Variants in TATDN3 observed in about 807,000 individuals in gnomAD.
The protein encoded by TATDN3 is deoxyribonuclease TATDN3.
In TATDN3, 29 loss-of-function variants were observed where a neutral mutation model predicts 40.1. The ratio of observed to expected loss-of-function variants is 0.72; its 90% CI spans 0.54 to 0.99. The LOEUF (loss-of-function observed/expected upper bound fraction) is 0.99, where lower values mean the gene tolerates loss of function less well. Among genes scored for constraint, TATDN3 ranks in the 50% least tolerant of loss-of-function variants. The pLI, the probability that TATDN3 is intolerant of heterozygous loss-of-function variation, is 0.00. For synonymous variants in TATDN3, 105 were observed against 117.0 expected (o/e 0.90, Z 0.66); for missense variants, 309 against 321.9 (o/e 0.96, Z 0.31).
At chr1:212,796,419 GAACAAGGAT>G in intron 2 of TATDN3, 89 bp from the exon 3 acceptor site, 1 of 927,742 alleles carries the variant, frequency 1.1e-6, no homozygotes, top group Middle Eastern at 3.6e-4. Flanking sequence ...AAGCATGGCT[GAACAAGGAT>G]AACTAAAATG....
chr1:212,804,050 A>C (rs903284501), intron 5 of TATDN3, among the ~76,000 whole-genome samples: 16 of 152,090 alleles, frequency 1.1e-4, no homozygotes, highest in Admixed American at 7.2e-4. Flanking sequence ...AAACAAACAA[A>C]AAAAAAGGAA....
At chr1:212,798,611 G>C (rs918646676) in intron 4 of TATDN3, among the ~76,000 whole-genome samples, 4 of 150,462 alleles carry the variant, frequency 2.7e-5, no homozygotes, top group Non-Finnish European at 4.4e-5. Context: ...TAGCTATCCT[G>C]AATTGTTAAG....
At chr1:212,803,754 G>T (rs1662300216) in intron 5 of TATDN3, among the ~76,000 whole-genome samples, 1 of 149,350 alleles carries the variant, frequency 6.7e-6, no homozygotes, top group Non-Finnish European at 1.5e-5. Flanking sequence ...AAAAAAAAAA[G>T]GCTGGGCACA....
chr1:212,812,397 G>A (rs186925180), intron 9 of TATDN3, 69 bp downstream of exon 9: 5 of 884,226 alleles, frequency 5.7e-6, no homozygotes, highest in Non-Finnish European at 8.9e-6. Context: ...CAATTTAGCT[G>A]TATTTCTCAT....
At chr1:212,795,180 C>A (rs1558075126) in intron 2 of TATDN3, 53 bp downstream of exon 2, 8 of 1,368,588 alleles carry the variant, frequency 5.8e-6, no homozygotes, top group African/African-American at 1.4e-5. Flanking sequence ...ACTATCATTT[C>A]AAGCCAAAAC....
chr1:212,804,320 G>T lies in TATDN3; in HGVS notation c.322G>T (p.Val108Phe), dbSNP rs1337187521. The T allele has an allele frequency of 8.1e-6, 13 of 1,611,890 alleles. No individual in the cohort carries two copies. The highest frequency in any genetic ancestry group is 1.1e-5 in the Non-Finnish European group (13 of 1,178,188). The part of the protein sequence containing the change: ...YKDRLLAIGE[V>F]GLDFSPRFAG... ...AATATCTTTTATTTTTCTGCTCTAG[G>T]TTGGACTAGATTTCTCCCCCAGATT... Residue 108 changes from valine (V) to phenylalanine (F), a missense_variant and splice_region_variant, in exon 6 of 10, where the codon GTT (valine) becomes TTT (phenylalanine). Transcript: ENST00000366974.
At chr1:212,792,921 G>A (rs1661451051) in intron 1 of TATDN3, 1 of 152,232 alleles carries the variant, frequency 6.6e-6, no homozygotes, top group Non-Finnish European at 1.5e-5. Flanking sequence ...ATTTCAGGGG[G>A]AAATCCTCCC....
chr1:212,815,204 T>C lies in TATDN3; in HGVS notation c.*48T>C. 1.3e-6 allele frequency: 2 copies of C among 1,560,956 alleles called. No homozygotes were observed. Among genetic ancestry groups the C allele is most frequent in the Non-Finnish European group, 1.7e-6 (2 of 1,158,536 alleles). ...ATCGAATCAACTGCAGGGGGCAGCA[T>C]TTGAAAAATAGAAATGTTCTGATGA... is the stretch of plus-strand genomic sequence containing the variant. On this transcript the variant is annotated 3_prime_UTR_variant, in exon 10 of 10. Transcript: ENST00000366974.
intron 1 of TATDN3, 139 bp from the exon 2 acceptor site, chr1:212,794,956 G>A (rs1457441526): frequency 2.9e-6 from 2 of 689,230 alleles, no homozygotes; most frequent in Non-Finnish European, 2.6e-6. Context: ...GTGGGTCAGT[G>A]TAGGCTCTTT....
At chr1:212,792,488 AGC>A (rs1661392255) in intron 1 of TATDN3, among the ~76,000 whole-genome samples, 3 of 150,324 alleles carry the variant, frequency 2.0e-5, no homozygotes, top group Non-Finnish European at 3.0e-5. Context: ...AAAAAAAAAA[AGC>A]CGGTGATTGT....
chr1:212,804,048 A>G (rs892839196), intron 5 of TATDN3, among the ~76,000 whole-genome samples: 1 of 141,868 alleles, frequency 7.0e-6, no homozygotes, highest in African/African-American at 2.5e-5. Context: ...CAAAACAAAC[A>G]AAAAAAAAGG....
At chr1:212,814,960 A>T (rs1204100207) in intron 9 of TATDN3, 53 bp from the exon 10 acceptor site, 7 of 1,566,526 alleles carry the variant, frequency 4.5e-6, no homozygotes, top group Middle Eastern at 1.7e-4. Flanking sequence ...GTCTCCAAGG[A>T]TCTGCTTCCC....
intron 7 of TATDN3, 98 bp from the exon 8 acceptor site, chr1:212,807,638 C>A: frequency 1.2e-6 from 1 of 832,394 alleles, no homozygotes; most frequent in Non-Finnish European, 1.9e-6. Context: ...TGTTTATATC[C>A]TAGTGACCAA....
chr1:212,814,986 G>T (rs779633282), intron 9 of TATDN3, 27 bp from the exon 10 acceptor site: 5 of 1,600,570 alleles, frequency 3.1e-6, no homozygotes, highest in Non-Finnish European at 3.4e-6. Flanking sequence ...TGTCATGTTT[G>T]ACATGGTGTC....
At chr1:212,796,663 A>G in intron 3 of TATDN3, 73 bp downstream of exon 3, 1 of 1,078,928 alleles carries the variant, frequency 9.3e-7, no homozygotes, top group Non-Finnish European at 1.3e-6. Flanking sequence ...TATAATATCA[A>G]AGATCCATTT....
chr1:212,816,620 A>C lies in TATDN3; in HGVS notation c.*1464A>C, dbSNP rs1390116648. On this transcript the variant is annotated 3_prime_UTR_variant, in exon 10 of 10. Coordinates refer to ENST00000366974, the MANE Select transcript of TATDN3 (RefSeq NM_001042552.3). Reference sequence around the variant, plus strand: ...TAGAAAAAAATAAACTTCCTAAATCAAAGTGATTTTATGAAATGATCTTCA... The same window carrying C: ...TAGAAAAAAATAAACTTCCTAAATCCAAGTGATTTTATGAAATGATCTTCA... The C allele has an allele frequency of 6.6e-6, 1 of 152,222 alleles. No individual in the cohort carries two copies. 9.4% of individuals were successfully genotyped at this position (152,222 alleles called of 1,614,324 possible). A position where few individuals can be genotyped will look rare whatever the true frequency, so the allele number is the denominator to read the frequency against.
Position 212,796,600 on chromosome 1 carries a change from T to C in TATDN3, c.173+10T>C, listed in dbSNP as rs1661779598. The stretch of plus-strand genomic sequence containing the variant: ...TGCAACTTTCAGAAAGGTGCTACTT[T>C]TAATTAAGATTTTAAAGGGTTGCTA... On this transcript the variant is annotated intron_variant, in intron 3 of 9. Transcript: ENST00000366974. 2.6e-6 allele frequency: 4 copies of C among 1,551,580 alleles called. No homozygotes were observed. The African/African-American group carries it at 4.2e-5, about 16-fold the overall frequency.
rs908489890 is a variant in TATDN3 at position 212,797,149 on chromosome 1, C to G, written c.211C>G (p.Pro71Ala). Residue 71 changes from proline to alanine, a missense_variant, in exon 4 of 10, where the codon CCA becomes GCA. Pro to Ala is a conservative substitution (Grantham distance 27). Transcript: ENST00000366974. ...GFVLPCLGVH[P>A]VQGLPPEDQR... ...TGTCCTGCCATGCTTGGGTGTTCAT[C>G]CAGTTCAAGGACTTCCACCAGAAGA... is the stretch of plus-strand genomic sequence containing the variant. The G allele has an allele frequency of 5.6e-6, 9 of 1,613,972 alleles. No homozygotes were observed. Among genetic ancestry groups the G allele is most frequent in the Non-Finnish European group, 7.6e-6 (9 of 1,179,990 alleles).
chr1:212,803,695 G>GT (rs1662296554), intron 5 of TATDN3, among the ~76,000 whole-genome samples: 1 of 151,380 alleles, frequency 6.6e-6, no homozygotes, highest in South Asian at 2.1e-4. Context: ...AAGATGTGTT[G>GT]TAAGTGTAAA....
Sources: gnomAD v4.1 joint callset for allele counts (sites outside exome capture counted in the v4.1 genomes callset) on GRCh38, gnomAD v4.1.1 for gene constraint, MANE v1.5 for transcripts, NCBI Gene and HGNC (gene_info 2026-07-23, HGNC 2026-07-21) for gene names.